The following GRAMD2B variants were observed in gnomAD, a reference collection of about 807,000 sequenced individuals.
GRAMD2B encodes GRAM domain containing 2B.
A neutral mutation model predicts 59.2 loss-of-function variants in GRAMD2B; 41 were observed. The ratio of observed to expected loss-of-function variants is 0.69; its 90% CI spans 0.54 to 0.90. The LOEUF is 0.90. Ranked by LOEUF, GRAMD2B falls within the 40% of genes least tolerant of loss-of-function variation. The pLI is 0.00. For synonymous variants in GRAMD2B, 161 were observed against 182.7 expected (o/e 0.88, Z 0.96); for missense variants, 424 against 500.5 (o/e 0.85, Z 1.46).
intron 1 of GRAMD2B, among the ~76,000 whole-genome samples, chr5:126,459,748 G>C (rs1256124079): frequency 6.6e-6 from 1 of 152,220 alleles, no homozygotes; most frequent in Non-Finnish European, 1.5e-5. Context: ...TATTTTGTGT[G>C]CCAGCTATTA....
chr5:126,366,905 A>G (rs1420913876), upstream of GRAMD2B, among the ~76,000 whole-genome samples: 1 of 130,332 alleles, frequency 7.7e-6, no homozygotes, highest in Non-Finnish European at 1.5e-5. Flanking sequence ...CCCAAGCTGG[A>G]GTGCAGTGGC....
At chr5:126,390,241 A>G (rs1241882684) in intron 1 of GRAMD2B, among the ~76,000 whole-genome samples, 1 of 152,226 alleles carries the variant, frequency 6.6e-6, no homozygotes, top group Non-Finnish European at 1.5e-5. Flanking sequence ...TGTGTTTATT[A>G]TGGCCCTAAC....
intron 13 of GRAMD2B, among the ~76,000 whole-genome samples, chr5:126,489,618 C>T (rs1460840344): frequency 6.6e-5 from 10 of 152,310 alleles, no homozygotes; most frequent in South Asian, 2.1e-4. Flanking sequence ...GTCCAAACAA[C>T]GCTAGGGCAA....
intron 12 of GRAMD2B, 49 bp from the exon 13 acceptor site, chr5:126,488,750 C>T: frequency 7.6e-7 from 1 of 1,322,044 alleles, no homozygotes; most frequent in Non-Finnish European, 1.1e-6. Flanking sequence ...CATTCCACTT[C>T]TTTCCTTGTC....
At position 126,488,835 on chromosome 5, in the gene GRAMD2B, A is replaced by G. The variant is rs1459451496; in HGVS notation, c.1200A>G (p.Gln400=). ...CATCTGGCCTGAGGTCACAAGTACA[A>G]TTCAATGTGGAGGTTCTCTGTCAAG... ...AAPSGLRSQV[Q]FNVEVLCQEL... The change falls in exon 13 of 14, where the codon CAA becomes CAG. Residue 400 remains glutamine, a synonymous_variant. Transcript: ENST00000285689. 1.2e-6 allele frequency: 2 copies of G among 1,613,866 alleles called. No individual in the cohort carries two copies. The highest frequency in any genetic ancestry group is 1.1e-5 in the South Asian group (1 of 91,070).
At chr5:126,399,290 G>A (rs1458635614) in intron 1 of GRAMD2B, among the ~76,000 whole-genome samples, 1 of 151,994 alleles carries the variant, frequency 6.6e-6, no homozygotes, top group Admixed American at 6.6e-5. Context: ...CTGATATTTT[G>A]TATATATGAT....
intron 13 of GRAMD2B, chr5:126,490,270 C>G (rs1257908793): frequency 1.3e-5 from 2 of 152,296 alleles, no homozygotes; most frequent in Admixed American, 1.3e-4. Context: ...TTTGTTCACT[C>G]TTACATACCA....
intron 8 of GRAMD2B, 21 bp from the exon 9 acceptor site, chr5:126,483,442 C>T (rs1772256271): frequency 6.8e-7 from 1 of 1,473,318 alleles, no homozygotes; most frequent in Non-Finnish European, 9.5e-7. Context: ...AGCCTGTCTT[C>T]ATTTCACTGT....
rs114331834 is a variant in GRAMD2B at position 126,480,351 on chromosome 5, G to A, written c.583-105G>A. 378 of 702,704 alleles carry A rather than the reference G, an allele frequency of 5.4e-4. No individual in the cohort carries two copies. In the African/African-American group the frequency reaches 6.2e-3, roughly 12 times the overall value. The allele number at this position is 702,704 out of a possible 1,614,324, so 43.5% of individuals were successfully genotyped here. A position where few individuals can be genotyped will look rare whatever the true frequency, so the allele number is the denominator to read the frequency against. On this transcript the variant is annotated intron_variant, in intron 6 of 13. Transcript: ENST00000285689. The stretch of plus-strand genomic sequence containing the variant: ...GAATATAGATCAAAGAGAGGTCCAT[G>A]TTGTTTGAAAATGCAAAAGCTGTAT...
chr5:126,468,674 G>C (rs1768932157), intron 2 of GRAMD2B, among the ~76,000 whole-genome samples: 1 of 151,984 alleles, frequency 6.6e-6, no homozygotes, highest in Non-Finnish European at 1.5e-5. Flanking sequence ...TTTTAATAGA[G>C]ATGGGATTTC....
Position 126,494,086 on chromosome 5 carries a change from G to A in GRAMD2B, c.*1130G>A, listed in dbSNP as rs1276173807. On this transcript the variant is annotated 3_prime_UTR_variant, in exon 14 of 14. Coordinates refer to ENST00000285689, the MANE Select transcript of GRAMD2B (RefSeq NM_023927.4). ...CGAATTGGTTACATCGTTTGTATCT[G>A]TTGGCCTAGTGGACAGCTGTGCCTG... The A allele has an allele frequency of 1.3e-5, 2 of 152,624 alleles. No individual in the cohort carries two copies. The highest frequency in any genetic ancestry group is 2.9e-5 in the Non-Finnish European group (2 of 68,040). The allele number at this position is 152,624 out of a possible 1,614,324, so 9.5% of individuals were successfully genotyped here.
intron 2 of GRAMD2B, among the ~76,000 whole-genome samples, chr5:126,468,648 C>T (rs1421900529): frequency 6.6e-6 from 1 of 151,968 alleles, no homozygotes; most frequent in Non-Finnish European, 1.5e-5. Context: ...CCATCATGCC[C>T]AGCTAATTTT....
At chr5:126,408,476 T>C (rs1758455630) in intron 1 of GRAMD2B, among the ~76,000 whole-genome samples, 3 of 152,032 alleles carry the variant, frequency 2.0e-5, no homozygotes, top group Admixed American at 2.0e-4. Flanking sequence ...AGTAATGGGA[T>C]TGCTGAGTCA....
intron 2 of GRAMD2B, 86 bp downstream of exon 2, chr5:126,465,631 T>G (rs76457593): frequency 3.9e-5 from 46 of 1,190,734 alleles, no homozygotes; most frequent in Non-Finnish European, 4.1e-5. Context: ...TTGTTAAGAG[T>G]GAGGATGTAT....
intron 1 of GRAMD2B, among the ~76,000 whole-genome samples, chr5:126,463,710 C>T (rs1414424637): frequency 6.6e-6 from 1 of 152,160 alleles, no homozygotes; most frequent in Non-Finnish European, 1.5e-5. Flanking sequence ...GAAATGCTTA[C>T]CACAAAATTA....
At chr5:126,420,811 T>C (rs892364408), upstream of GRAMD2B, among the ~76,000 whole-genome samples, 1 of 152,028 alleles carries the variant, frequency 6.6e-6, no homozygotes, top group South Asian at 2.1e-4. Context: ...TCATTCACAA[T>C]AGACAAAAGC....
chr5:126,467,592 C>T (rs1180053563), intron 2 of GRAMD2B: 1 of 152,150 alleles, frequency 6.6e-6, no homozygotes. Flanking sequence ...ATTCCATTAA[C>T]ATTTATTAAT....
rs147604532 is a variant in GRAMD2B at position 126,411,841 on chromosome 5, G to GGTGTGTGTGTGTGTGT, written c.125+40279_125+40294dup. Among the ~76,000 whole-genome samples the GGTGTGTGTGTGTGTGT allele has an allele frequency of 9.5e-3, 1,420 of 148,848 alleles. 15 individuals carry two copies. Among genetic ancestry groups the GGTGTGTGTGTGTGTGT allele is most frequent in the African/African-American group, 0.013 (544 of 40,328 alleles). ...CACCACATTGGTTAGATATATTTCT[G>GGTGTGTGTGTGTGTGT]GTGTGTGTGTGTGTGTGTGTTTGTG... is the stretch of plus-strand genomic sequence containing the variant. On this transcript the variant is annotated intron_variant, in intron 1 of 8. Transcript: ENST00000506445.
intron 5 of GRAMD2B, among the ~76,000 whole-genome samples, chr5:126,474,609 G>A (rs763804382): frequency 6.6e-6 from 1 of 152,174 alleles, no homozygotes; most frequent in Non-Finnish European, 1.5e-5. Flanking sequence ...ATAGTTCTCA[G>A]GAATTCATAG....
Sources: gnomAD v4.1 joint callset for allele counts (sites outside exome capture counted in the v4.1 genomes callset) on GRCh38, gnomAD v4.1.1 for gene constraint, MANE v1.5 for transcripts, NCBI Gene and HGNC (gene_info 2026-07-23, HGNC 2026-07-21) for gene names.